Variants in TNXB observed in about 807,000 individuals in gnomAD.
TNXB encodes the protein tenascin-X.
Under a neutral mutation model 340.5 loss-of-function variants are expected in TNXB, and 183 were observed. The ratio of observed to expected loss-of-function variants is 0.54; its 90% confidence interval spans 0.48 to 0.61. TNXB has a LOEUF of 0.61. Ranked by LOEUF, TNXB falls within the 20% of genes least tolerant of loss-of-function variation. The probability of loss-of-function intolerance (pLI) is 0.00; values close to 1 mark genes in which losing one functional copy is unlikely to be tolerated. For missense variants in TNXB, 4,613 were observed against 5,446.4 expected, an observed-to-expected ratio of 0.85 and a Z score of 4.82; for synonymous variants, 2,121 against 2,314.5, an observed-to-expected ratio of 0.92 and a Z score of 2.40.
In TNXB at chr6:32,046,068, C is replaced by A; in HGVS notation, c.10606+107G>T. The A allele has an allele frequency of 6.8e-7, 1 of 1,480,214 alleles. No individual in the cohort carries two copies. Among genetic ancestry groups the A allele is most frequent in the Admixed American group, 2.2e-5 (1 of 46,346 alleles). The allele number at this position is 1,480,214 out of a possible 1,614,324, so 91.7% of individuals were successfully genotyped here. A position where few individuals can be genotyped will look rare whatever the true frequency, so the allele number is the denominator to read the frequency against. On this transcript the variant is annotated intron_variant, in intron 31 of 43. Transcript: ENST00000644971. This position sits in a 1 kb window ranked among gnomAD's most constrained non-coding sequence, Gnocchi z 6.9. ...CCTCCTTCCTGGGGACAGGCCAGGG[C>A]GCCCCACTCCGGCCTGCCCACTCCT...
rs1284723993 is a variant in TNXB at position 32,062,827 on chromosome 6, G to A, written c.6842-344C>T. ...TCTCAGCACTTTGGGAGGCCGAGGC[G>A]GGCGGATCATGAGGTCAGGAGATTG... On this transcript the variant is annotated intron_variant, in intron 19 of 43. Transcript: ENST00000644971. This position sits in a 1 kb window ranked among gnomAD's most constrained non-coding sequence, Gnocchi z 4.3. 2.6e-5 allele frequency among the ~76,000 whole-genome samples: 4 copies of A among 152,054 alleles called. No individual in the cohort carries two copies. The highest frequency in any genetic ancestry group is 4.8e-5 in the African/African-American group (2 of 41,476).
At chr6:32,055,780 T>G (rs986096615) in intron 24 of TNXB, 71 bp downstream of exon 24, 2 of 1,553,596 alleles carry the variant, frequency 1.3e-6, no homozygotes, top group African/African-American at 1.4e-5. Context: ...GGTGAGAATA[T>G]TTTTGTTTTC....
At position 32,047,223 on chromosome 6, in the gene TNXB, G is replaced by C. The variant is rs1425154067; in HGVS notation, c.10324+511C>G. On this transcript the variant is annotated intron_variant, in intron 30 of 43. Transcript: ENST00000644971. This position sits in a 1 kb window ranked among gnomAD's most constrained non-coding sequence, Gnocchi z 6.2. ...CTGGGCATAGTGACTCATGGTCCTG[G>C]GAGTGGGGTGAGGGTCGGTGACCCA... Among the ~76,000 whole-genome samples the C allele has an allele frequency of 2.6e-5, 4 of 152,256 alleles. No individual in the cohort carries two copies. Among genetic ancestry groups the C allele is most frequent in the African/African-American group, 9.6e-5 (4 of 41,466 alleles).
chr6:32,078,198 G>A (rs1356752560), intron 11 of TNXB, among the ~76,000 whole-genome samples: 1 of 152,038 alleles, frequency 6.6e-6, no homozygotes, highest in African/African-American at 2.4e-5. Context: ...TGTAATACCA[G>A]AACTTTGGGA....
In TNXB at chr6:32,096,453, G is replaced by A. The variant is rs1286639481; in HGVS notation, c.1400C>T (p.Pro467Leu). 1.3e-6 allele frequency: 2 copies of A among 1,599,466 alleles called. No individual in the cohort carries two copies. The highest frequency in any genetic ancestry group is 1.1e-5 in the South Asian group (1 of 90,764). ...SGEDCGVRSCPGDCRGRGRCE... is the reference protein window; with the variant it reads ...SGEDCGVRSCLGDCRGRGRCE... ...GCGGCCCCGGCCACGACAGTCCCCAGGACAGCTGCGCACACCGCAGTCCTC... is the reference window on the plus strand; with the variant it reads ...GCGGCCCCGGCCACGACAGTCCCCAAGACAGCTGCGCACACCGCAGTCCTC... The change falls in exon 3 of 44, where the codon CCT becomes CTT. Residue 467 changes from proline to leucine, a missense_variant. Coordinates refer to ENST00000644971, the MANE Select transcript of TNXB (RefSeq NM_001365276.2).
chr6:32,107,535 C>CTGGGGA, intron 1 of TNXB, among the ~76,000 whole-genome samples: 1 of 152,246 alleles, frequency 6.6e-6, no homozygotes, highest in South Asian at 2.1e-4. Context: ...TTCCCCCTGC[C>CTGGGGA]ACTATGTCTG....
rs771647661 is a variant in TNXB, at chr6:32,058,090, C to T, written c.7793G>A (p.Arg2598His). ...GCCCACGGCAGACACCGGGCCCAGG[C>T]GCCGCCCCTCGTGGAGGCCGTACAG... ...MHLYGLHEGRRLGPVSAVGVT... is the reference protein window; with the variant it reads ...MHLYGLHEGRHLGPVSAVGVT... The change falls in exon 22 of 44, where the codon CGC becomes CAC. Residue 2598 changes from arginine (R) to histidine (H), a missense_variant. By Grantham distance (29) the Arg-to-His change is conservative. Coordinates refer to ENST00000644971, the MANE Select transcript of TNXB (RefSeq NM_001365276.2). The surrounding 1 kb of genome is among the most constrained non-coding windows in gnomAD (Gnocchi z 5.1). The T allele has an allele frequency of 3.1e-5, 50 of 1,611,432 alleles. No homozygotes were observed. Among genetic ancestry groups the T allele is most frequent in the Middle Eastern group, 3.3e-4 (2 of 5,994 alleles).
Position 32,082,409 on chromosome 6 carries a change from G to C in TNXB, c.3446-83C>G. The C allele has an allele frequency of 7.2e-7, 1 of 1,397,836 alleles. No homozygotes were observed. 86.6% of individuals were successfully genotyped at this position (1,397,836 alleles called of 1,614,324 possible). ...CAAATCCCACATAGGAATGCTGTGT[G>C]AGGCTGTGCAGGTTGTTCACTGCAC... is the stretch of plus-strand genomic sequence containing the variant. On this transcript the variant is annotated intron_variant, in intron 8 of 43. Coordinates refer to ENST00000644971, the MANE Select transcript of TNXB (RefSeq NM_001365276.2). The surrounding 1 kb of genome is among the most constrained non-coding windows in gnomAD (Gnocchi z 5.0).
In TNXB at chr6:32,047,449, C is replaced by A. The variant is rs974331748; in HGVS notation, c.10324+285G>T. Among the ~76,000 whole-genome samples, 1 of 152,204 alleles carries A rather than the reference C, an allele frequency of 6.6e-6. No individual in the cohort carries two copies. The highest frequency in any genetic ancestry group is 2.4e-5 in the African/African-American group (1 of 41,442). On this transcript the variant is annotated intron_variant, in intron 30 of 43. Coordinates refer to ENST00000644971, the MANE Select transcript of TNXB (RefSeq NM_001365276.2). This position sits in a 1 kb window ranked among gnomAD's most constrained non-coding sequence, Gnocchi z 6.2. Reference sequence around the variant, plus strand: ...GGACACTGAGGTCCCGGGGATGAAGCGGCTTGTCCATGGTCACCCTGGCAA... The same window carrying A: ...GGACACTGAGGTCCCGGGGATGAAGAGGCTTGTCCATGGTCACCCTGGCAA...
intron 24 of TNXB, 99 bp downstream of exon 24, chr6:32,055,752 T>A: frequency 6.7e-7 from 1 of 1,494,286 alleles, no homozygotes. Context: ...CATGGAAACG[T>A]GCAAAAGAAG....
In TNXB at chr6:32,081,146, G is replaced by A. The variant is rs1283431042; in HGVS notation, c.4042+222C>T. On this transcript the variant is annotated intron_variant, in intron 10 of 43. Coordinates refer to ENST00000644971, the MANE Select transcript of TNXB (RefSeq NM_001365276.2). This position sits in a 1 kb window ranked among gnomAD's most constrained non-coding sequence, Gnocchi z 5.1. ...TGGGGGAAAATAGGACCTGCCCTTG[G>A]AGATGAAGAAGTGAGGCTGAGGAAG... Among the ~76,000 whole-genome samples the A allele has an allele frequency of 6.6e-6, 1 of 152,154 alleles. No homozygotes were observed. The highest frequency in any genetic ancestry group is 1.5e-5 in the Non-Finnish European group (1 of 68,024).
rs1777167825 is a variant in TNXB, at chr6:32,049,997, C to T, written c.9439+1G>A. ...CCCTGGGGCTCCCATCATTCACTCA[C>T]CCGTCACCCCAATGGCAGACACAGG... On this transcript the variant is annotated splice_donor_variant, in intron 27 of 43. Coordinates refer to ENST00000644971, the MANE Select transcript of TNXB (RefSeq NM_001365276.2). LOFTEE classifies it high-confidence loss of function. The surrounding 1 kb of genome is among the most constrained non-coding windows in gnomAD (Gnocchi z 4.5). 7 of 1,613,452 alleles carry T rather than the reference C, an allele frequency of 4.3e-6. No individual in the cohort carries two copies. Among genetic ancestry groups the T allele is most frequent in the Non-Finnish European group, 5.9e-6 (7 of 1,179,520 alleles).
chr6:32,074,009 T>C lies in TNXB; in HGVS notation c.4376-57A>G. ...AAGAATCCCCCTTTTCTTATAGTAA[T>C]GATGTCTAGTTATTTATTTTTTATT... On this transcript the variant is annotated intron_variant, in intron 11 of 43. Transcript: ENST00000644971. This position sits in a 1 kb window ranked among gnomAD's most constrained non-coding sequence, Gnocchi z 5.5. 7.3e-7 allele frequency: 1 copy of C among 1,376,032 alleles called. No homozygotes were observed. The highest frequency in any genetic ancestry group is 9.7e-7 in the Non-Finnish European group (1 of 1,026,974). 85.2% of individuals were successfully genotyped at this position (1,376,032 alleles called of 1,614,324 possible).
chr6:32,043,587 C>G, intron 35 of TNXB, 31 bp from the exon 36 acceptor site: 2 of 1,172,810 alleles, frequency 1.7e-6, no homozygotes, highest in South Asian at 2.5e-5. Context: ...CAGAAGGGTC[C>G]CCGCGGCTCT....
At position 32,068,081 on chromosome 6, in the gene TNXB, C is replaced by G; in HGVS notation, c.6221-97G>C. 1 of 1,479,174 alleles carries G rather than the reference C, an allele frequency of 6.8e-7. No homozygotes were observed. The highest frequency in any genetic ancestry group is 9.1e-7 in the Non-Finnish European group (1 of 1,103,832). The allele number at this position is 1,479,174 out of a possible 1,614,324, so 91.6% of individuals were successfully genotyped here. ...ATGACTGGGGGACCCGAGGTCAGTT[C>G]AGAGAGGCCTACTCTTGGGGCTGGG... On this transcript the variant is annotated intron_variant, in intron 17 of 43. Transcript: ENST00000644971. The surrounding 1 kb of genome is among the most constrained non-coding windows in gnomAD (Gnocchi z 5.3).
At chr6:32,098,281 A>G in intron 1 of TNXB, 75 bp from the exon 2 acceptor site, 1 of 1,241,236 alleles carries the variant, frequency 8.1e-7, no homozygotes, top group South Asian at 2.1e-5. Context: ...TCCAGCACAT[A>G]CCCACGGTCC....
In TNXB at chr6:32,070,118, G is replaced by A; in HGVS notation, c.5278+9C>T. 1 of 1,549,052 alleles carries A rather than the reference G, an allele frequency of 6.5e-7. No individual in the cohort carries two copies. The highest frequency in any genetic ancestry group is 1.2e-5 in the South Asian group (1 of 81,418). ...AGCAGAGCAGGGACCTGCAGGGAAT[G>A]CCCCTCACCCGTGGTGCCGTCGGCA... On this transcript the variant is annotated intron_variant, in intron 14 of 43. Coordinates refer to ENST00000644971, the MANE Select transcript of TNXB (RefSeq NM_001365276.2). The surrounding 1 kb of genome is among the most constrained non-coding windows in gnomAD (Gnocchi z 6.0).
Position 32,097,523 on chromosome 6 carries a change from G to C in TNXB, c.404-74C>G, listed in dbSNP as rs1029159614. 4.0e-5 allele frequency: 60 copies of C among 1,508,654 alleles called. No homozygotes were observed. Among genetic ancestry groups the C allele is most frequent in the Non-Finnish European group, 5.1e-5 (58 of 1,127,612 alleles). 93.5% of individuals were successfully genotyped at this position (1,508,654 alleles called of 1,614,324 possible). On this transcript the variant is annotated intron_variant, in intron 2 of 43. Coordinates refer to ENST00000644971, the MANE Select transcript of TNXB (RefSeq NM_001365276.2). This position sits in a 1 kb window ranked among gnomAD's most constrained non-coding sequence, Gnocchi z 5.9. ...GGCTGAGCCTATGTAGTGCTCCTATGTGCAGGCCCCTAGCCAGGCTAGCCT... is the reference window on the plus strand; with the variant it reads ...GGCTGAGCCTATGTAGTGCTCCTATCTGCAGGCCCCTAGCCAGGCTAGCCT...
In TNXB at chr6:32,062,347, G is replaced by A. The variant is rs752218760; in HGVS notation, c.6978C>T (p.Pro2326=). ...PDSLSLSWTV[P]EGQFDHFLVQ... ...CCAGGAAGTGGTCAAACTGTCCCTC[G>A]GGAACCGTCCAGGACAGGCTGAGGG... Residue 2326 remains proline (P), a synonymous_variant, in exon 20 of 44, where the codon CCC becomes CCT. Coordinates refer to ENST00000644971, the MANE Select transcript of TNXB (RefSeq NM_001365276.2). This position sits in a 1 kb window ranked among gnomAD's most constrained non-coding sequence, Gnocchi z 4.3. 1.2e-5 allele frequency: 19 copies of A among 1,613,374 alleles called. No homozygotes were observed. The highest frequency in any genetic ancestry group is 1.6e-4 in the Middle Eastern group (1 of 6,080).
Sources: allele counts gnomAD v4.1 joint callset (sites outside exome capture counted in the v4.1 genomes callset), GRCh38; gene constraint gnomAD v4.1.1; non-coding constraint Gnocchi (gnomAD v3.1); transcripts MANE v1.5; gene names NCBI Gene and HGNC (gene_info 2026-07-23, HGNC 2026-07-21).